Variants in FLNA observed in about 807,000 individuals in gnomAD.
FLNA encodes filamin-A.
In FLNA, 7 loss-of-function variants were observed where a neutral mutation model predicts 157.6. The observed-to-expected ratio is 0.04, with a 90% confidence interval of 0.03 to 0.08. The LOEUF (loss-of-function observed/expected upper bound fraction) is 0.08, where lower values mean the gene tolerates loss of function less well. FLNA is among the 10% of genes least tolerant of loss of function. The pLI is 1.00. For synonymous variants in FLNA, 1,103 were observed against 1,060.8 expected, an observed-to-expected ratio of 1.04 and a Z score of -0.77; for missense variants, 1,750 against 2,398.4, an observed-to-expected ratio of 0.73 and a Z score of 5.65.
intron 12 of FLNA, 38 bp from the exon 13 acceptor site, chrX:154,364,757 C>T: frequency 1.7e-6 from 2 of 1,209,951 alleles, no homozygotes; most frequent in Non-Finnish European, 2.2e-6. Flanking sequence ...GCCCTGGAGC[C>T]TCAGGGTGGG....
rs782555930 is a variant in FLNA, at chrX:154,349,550, C to T, written c.7568G>A (p.Ser2523Asn). The change falls in exon 47 of 48, where the codon AGC (serine) becomes AAC (asparagine). Residue 2523 changes from serine (S) to asparagine (N), a missense_variant. This residue lies in a region of FLNA where 970 missense variants were observed against 1,302.6 expected (regional missense o/e 0.74). Transcript: ENST00000369850. ...KAKVTGPRLVSNHSLHETSSV... is the reference protein window; with the variant it reads ...KAKVTGPRLVNNHSLHETSSV... ...TGATGTCTCGTGGAGGCTGTGGTTG[C>T]TGACGAGACGGGGGCCTGCAAGGCA... 145 of 1,211,457 alleles carry T rather than the reference C, an allele frequency of 1.2e-4. No homozygotes were observed. In the East Asian group the frequency reaches 3.7e-3, roughly 31 times the overall value.
At chrX:154,369,706 G>A (rs936729152) in intron 2 of FLNA, among the ~76,000 whole-genome samples, 1 of 111,769 alleles carries the variant, frequency 8.9e-6, no homozygotes. Flanking sequence ...CCCCACATCC[G>A]GTCGCCCCCC....
intron 5 of FLNA, 124 bp downstream of exon 5, chrX:154,367,273 G>C (rs2067769505): frequency 2.8e-6 from 2 of 719,935 alleles, no homozygotes; most frequent in Non-Finnish European, 4.2e-6. Context: ...TCTGACTCTT[G>C]GGTGGCTTGA....
At position 154,371,738 on chromosome X, in the gene FLNA, C is replaced by T. The variant is rs782613041; in HGVS notation, c.-116-377G>A. Reference sequence around the variant, plus strand: ...CTGCGGGGGGTGGGGTGGCTCTCTTCCCTAAGTCACTTGGGCTCTGCCCCG... The same window carrying T: ...CTGCGGGGGGTGGGGTGGCTCTCTTTCCTAAGTCACTTGGGCTCTGCCCCG... On this transcript the variant is annotated intron_variant, in intron 1 of 47. Transcript: ENST00000369850. 4.4e-5 allele frequency among the ~76,000 whole-genome samples: 5 copies of T among 113,070 alleles called. No homozygotes were observed. The East Asian group carries it at 1.1e-3, about 25-fold the overall frequency.
At position 154,351,620 on chromosome X, in the gene FLNA, C is replaced by T. The variant is rs374786760; in HGVS notation, c.6984G>A (p.Pro2328=). ...CAGTGAGGCGGCGGGCGTCGCCAGA[C>T]GGAGAAGCCACAGGCACCACGAAGG... is the stretch of plus-strand genomic sequence containing the variant. ...DSPFVVPVAS[P]SGDARRLTVS... Residue 2328 remains proline, a synonymous_variant, in exon 43 of 48, where the codon CCG becomes CCA. Transcript: ENST00000369850. 23 of 1,207,651 alleles carry T rather than the reference C, an allele frequency of 1.9e-5. No individual in the cohort carries two copies. In the African/African-American group the frequency reaches 2.3e-4, roughly 12 times the overall value.
chrX:154,365,960 T>TC (rs1161052302), intron 9 of FLNA, 64 bp downstream of exon 9: 1 of 1,068,695 alleles, frequency 9.4e-7, no homozygotes, highest in Non-Finnish European at 1.3e-6. Context: ...GCCCAGGGGG[T>TC]CCCCCTCCTG....
At chrX:154,359,459 C>T (rs2067687619) in intron 24 of FLNA, 25 bp downstream of exon 24, 1 of 1,211,858 alleles carries the variant, frequency 8.3e-7, no homozygotes, top group Non-Finnish European at 1.1e-6. Context: ...CCACCAGCCA[C>T]ACGGGCTCCT....
chrX:154,367,222 ATTC>A (rs1557179494), intron 5 of FLNA, among the ~76,000 whole-genome samples, 172 bp downstream of exon 5: 1 of 111,929 alleles, frequency 8.9e-6, no homozygotes, highest in East Asian at 2.8e-4. Context: ...ACCTATTAGC[ATTC>A]TCTTGTCGTT....
Position 154,359,103 on chromosome X carries a change from T to C in FLNA, c.4355A>G (p.Lys1452Arg), listed in dbSNP as rs781905856. ...TGGGCTCAGGCCGGGCCCAGAGCAC[T>C]TGACCTTGGACGCATCTGTCACATC... is the stretch of plus-strand genomic sequence containing the variant. ...VHDVTDASKV[K>R]CSGPGLSPGM... The change falls in exon 26 of 48, where the codon AAG (lysine) becomes AGG (arginine). Residue 1452 changes from lysine to arginine, a missense_variant. Lys to Arg is a conservative substitution (Grantham distance 26). Coordinates refer to ENST00000369850, the MANE Select transcript of FLNA (RefSeq NM_001110556.2). The C allele has an allele frequency of 8.3e-7, 1 of 1,211,340 alleles. No individual in the cohort carries two copies. Among genetic ancestry groups the C allele is most frequent in the South Asian group, 1.8e-5 (1 of 57,020 alleles).
Position 154,351,053 on chromosome X carries a change from G to A in FLNA, c.7024-12C>T, listed in dbSNP as rs782699270. On this transcript the variant is annotated splice_polypyrimidine_tract_variant and intron_variant, in intron 43 of 47. Coordinates refer to ENST00000369850, the MANE Select transcript of FLNA (RefSeq NM_001110556.2). ...TTTAGCCCTGACTCCTGGAAGCACA[G>A]CAGACATGGTTAGATGGGGGTGCTT... 4 of 1,211,153 alleles carry A rather than the reference G, an allele frequency of 3.3e-6. No individual in the cohort carries two copies. The highest frequency in any genetic ancestry group is 3.4e-6 in the Non-Finnish European group (3 of 895,038).
chrX:154,358,407 T>C lies in FLNA; in HGVS notation c.4598+38A>G, dbSNP rs5987247. On this transcript the variant is annotated intron_variant, in intron 27 of 47. Transcript: ENST00000369850. ...TCAGACAGGTTCTCAGCATCCAGCC[T>C]GGGCCACTCCCCACAGGCAGCAGGC... 4,465 of 1,209,550 alleles carry C rather than the reference T, an allele frequency of 3.7e-3. 97 individuals carry two copies. The African/African-American group carries it at 0.068, about 18-fold the overall frequency.
chrX:154,356,697 G>T (rs1320311346), intron 30 of FLNA, among the ~76,000 whole-genome samples: 1 of 112,296 alleles, frequency 8.9e-6, no homozygotes, highest in Non-Finnish European at 1.9e-5. Context: ...GCACTTTGGG[G>T]CTCTGAGGCT....
At position 154,353,211 on chromosome X, in the gene FLNA, A is replaced by C; in HGVS notation, c.6023-7T>G. The C allele has an allele frequency of 8.3e-7, 1 of 1,210,748 alleles. No homozygotes were observed. The highest frequency in any genetic ancestry group is 1.1e-6 in the Non-Finnish European group (1 of 894,623). ...TTGGGCACGAATGAAATCCCTGGAC[A>C]CAGGGCATGGCTGTCAGTCAGGGAG... On this transcript the variant is annotated splice_region_variant and splice_polypyrimidine_tract_variant and intron_variant, in intron 37 of 47. Transcript: ENST00000369850.
In FLNA at chrX:154,361,084, G is replaced by T. The variant is rs199725403; in HGVS notation, c.3207+224C>A. On this transcript the variant is annotated intron_variant, in intron 21 of 47. Coordinates refer to ENST00000369850, the MANE Select transcript of FLNA (RefSeq NM_001110556.2). ...AAAAAAAAAAAAAAAAAAAAAGAAA[G>T]AAAAAAAAAAAAAAGAAATTCTTCA... Among the ~76,000 whole-genome samples, 253 of 52,444 alleles carry T rather than the reference G, an allele frequency of 4.8e-3. 3 individuals are homozygous for T. The highest frequency in any genetic ancestry group is 0.018 in the African/African-American group (234 of 12,701). The allele number at this position is 52,444 out of a possible 115,157, so 45.5% of individuals were successfully genotyped here.
intron 5 of FLNA, 109 bp from the exon 6 acceptor site, chrX:154,366,959 G>A (rs988590325): frequency 3.2e-6 from 2 of 626,232 alleles, no homozygotes; most frequent in Admixed American, 2.4e-5. Context: ...ATTCCAAACT[G>A]GGCAAGTTCA....
In FLNA at chrX:154,364,368, T is replaced by C. The variant is rs781798819; in HGVS notation, c.2027A>G (p.Lys676Arg). ...CTTCTCCAATCCAGGCCCACGTGCC[T>C]TCACCTAGCGGGAGACCACCCAGCT... ...APQDFHPDRV[K>R]ARGPGLEKTG... The change falls in exon 14 of 48, where the codon AAG becomes AGG. Residue 676 changes from lysine (K) to arginine (R), a missense_variant. Lys to Arg is a conservative substitution (Grantham distance 26). This residue lies in a region of FLNA where 648 missense variants were observed against 805.8 expected (regional missense o/e 0.80). Transcript: ENST00000369850. 61 of 1,207,247 alleles carry C rather than the reference T, an allele frequency of 5.1e-5. 1 individual carries two copies. The East Asian group carries it at 1.3e-3, about 26-fold the overall frequency.
rs782583650 is a variant in FLNA, at chrX:154,351,013, G to C, written c.7052C>G (p.Ala2351Gly). The change falls in exon 44 of 48, where the codon GCC (alanine) becomes GGC (glycine). Residue 2351 changes from alanine to glycine, a missense_variant. Ala to Gly is a moderately conservative substitution (Grantham distance 60, BLOSUM62 0). This residue lies in a region of FLNA where 970 missense variants were observed against 1,302.6 expected (regional missense o/e 0.74). Coordinates refer to ENST00000369850, the MANE Select transcript of FLNA (RefSeq NM_001110556.2). Reference sequence around the variant, plus strand: ...CCCGTTCAGGCTGACTGCAAAAGAGGCTGGCTGGTTGACCTTTAGCCCTGA... The same window carrying C: ...CCCGTTCAGGCTGACTGCAAAAGAGCCTGGCTGGTTGACCTTTAGCCCTGA... ...QESGLKVNQPASFAVSLNGAK... is the reference protein window; with the variant it reads ...QESGLKVNQPGSFAVSLNGAK... The C allele has an allele frequency of 2.1e-5, 26 of 1,211,683 alleles. No individual in the cohort carries two copies. In the South Asian group the frequency reaches 4.2e-4, roughly 20 times the overall value.
intron 30 of FLNA, among the ~76,000 whole-genome samples, chrX:154,356,034 C>T (rs1185950427): frequency 8.9e-6 from 1 of 112,415 alleles, no homozygotes. Context: ...TGGCCTGCCG[C>T]GGCCAGGCAG....
At chrX:154,362,613 G>C (rs782530514) in intron 16 of FLNA, 35 bp from the exon 17 acceptor site, 2 of 1,210,608 alleles carry the variant, frequency 1.7e-6, no homozygotes, top group South Asian at 3.5e-5. Flanking sequence ...CTGAGACCTC[G>C]CAGGGACACC....
Sources: gnomAD v4.1 joint callset for allele counts (sites outside exome capture counted in the v4.1 genomes callset) on GRCh38, gnomAD v4.1.1 for gene constraint, gnomAD v4.1.1 regional missense constraint, MANE v1.5 for transcripts, NCBI Gene and HGNC (gene_info 2026-07-23, HGNC 2026-07-21) for gene names.